Variants in NPAS3 observed in about 807,000 individuals in gnomAD.
NPAS3 encodes neuronal PAS domain protein 3, also known as neuronal PAS domain-containing protein 3.
NPAS3 carries 14 observed loss-of-function variants against 73.1 expected under a neutral mutation model. The ratio of observed to expected loss-of-function variants is 0.19; its 90% CI spans 0.13 to 0.30. The LOEUF (loss-of-function observed/expected upper bound fraction) is 0.30, where lower values mean the gene tolerates loss of function less well. Among genes scored for constraint, NPAS3 ranks in the 10% least tolerant of loss-of-function variants. The pLI is 1.00. For synonymous variants in NPAS3, 620 were observed against 541.5 expected (o/e 1.14, Z -2.01); for missense variants, 1,096 against 1,250.0 (o/e 0.88, Z 1.86).
intron 3 of NPAS3, among the ~76,000 whole-genome samples, chr14:33,251,642 G>A (rs532602005): frequency 6.6e-6 from 1 of 151,820 alleles, no homozygotes; most frequent in South Asian, 2.1e-4. Context: ...TTTTAAATCA[G>A]GTATGTTACA....
intron 4 of NPAS3, among the ~76,000 whole-genome samples, chr14:33,436,153 A>C (rs2048979982): frequency 6.6e-6 from 1 of 152,228 alleles, no homozygotes; most frequent in Non-Finnish European, 1.5e-5. Flanking sequence ...TGGTGGAAAG[A>C]AAGCATGAAG....
intron 2 of NPAS3, among the ~76,000 whole-genome samples, chr14:33,159,223 T>C (rs2044760200): frequency 6.6e-6 from 1 of 152,192 alleles, no homozygotes; most frequent in South Asian, 2.1e-4. Context: ...TTCCCCATTT[T>C]ATTTTTCATG....
rs749675681 is a variant in NPAS3 at position 33,301,320 on chromosome 14, A to T, written c.386-65866A>T. On this transcript the variant is annotated intron_variant, in intron 3 of 11. Coordinates refer to ENST00000356141, the Ensembl canonical transcript of NPAS3. ...AGGTTTTATCATTATATATATATAT[A>T]TATTTTTTTTTTTTAAATCTAGCTG... Among the ~76,000 whole-genome samples the T allele has an allele frequency of 5.5e-3, 547 of 100,022 alleles. 70 individuals carry two copies. Among genetic ancestry groups the T allele is most frequent in the South Asian group, 0.015 (40 of 2,700 alleles). 65.6% of individuals were successfully genotyped at this position (100,022 alleles called of 152,430 possible).
chr14:33,188,686 G>A (rs2046066037), intron 2 of NPAS3, among the ~76,000 whole-genome samples: 1 of 152,138 alleles, frequency 6.6e-6, no homozygotes, highest in Non-Finnish European at 1.5e-5. Flanking sequence ...ACTTAGTATT[G>A]TTACAGGAGA....
intron 2 of NPAS3, among the ~76,000 whole-genome samples, chr14:33,163,625 T>C (rs1221031318): frequency 1.2e-5 from 1 of 80,188 alleles, no homozygotes. Flanking sequence ...GTTTTGTTGT[T>C]TTTTTTTTTT....
intron 6 of NPAS3, among the ~76,000 whole-genome samples, chr14:33,688,512 C>T (rs935060542): frequency 1.3e-5 from 2 of 152,034 alleles, no homozygotes; most frequent in East Asian, 1.9e-4. Context: ...TCTTTCAAGA[C>T]CCACCCAATG....
At chr14:32,952,097 T>C (rs1332787524) in intron 1 of NPAS3, among the ~76,000 whole-genome samples, 1 of 151,970 alleles carries the variant, frequency 6.6e-6, no homozygotes, top group Non-Finnish European at 1.5e-5. Flanking sequence ...GTGTAGATTA[T>C]ACATATATTC....
chr14:33,675,241 G>A (rs949074695), intron 5 of NPAS3, among the ~76,000 whole-genome samples: 4 of 152,166 alleles, frequency 2.6e-5, no homozygotes, highest in African/African-American at 9.7e-5. Flanking sequence ...GTAATGTAGA[G>A]CATTACCACT....
At chr14:33,182,256 T>A (rs142375752) in intron 2 of NPAS3, among the ~76,000 whole-genome samples, 1 of 152,208 alleles carries the variant, frequency 6.6e-6, no homozygotes, top group Non-Finnish European at 1.5e-5. Context: ...ATATTAAAAA[T>A]GCATTTTATA....
intron 1 of NPAS3, among the ~76,000 whole-genome samples, chr14:32,939,885 C>T (rs565762216): frequency 2.0e-5 from 3 of 151,888 alleles, no homozygotes; most frequent in Non-Finnish European, 2.9e-5. Flanking sequence ...CGCGCCAGGC[C>T]CGGAATGTGT....
chr14:33,661,886 C>A (rs182157861), intron 5 of NPAS3, among the ~76,000 whole-genome samples: 1 of 152,298 alleles, frequency 6.6e-6, no homozygotes, highest in Admixed American at 6.5e-5. Flanking sequence ...TCTCTTCCCA[C>A]CCACTCCCAA....
In NPAS3 at chr14:33,198,776, G is replaced by A. The variant is rs186567935; in HGVS notation, c.141-16406G>A. Among the ~76,000 whole-genome samples the A allele has an allele frequency of 2.1e-3, 315 of 152,320 alleles. 3 individuals carry two copies. Among genetic ancestry groups the A allele is most frequent in the South Asian group, 0.014 (66 of 4,834 alleles). Reference sequence around the variant, plus strand: ...CCTTGGGTGGTAGATGGGACCGGACGCCATGGAGCAGGGGCAGTGCCTGTC... The same window carrying A: ...CCTTGGGTGGTAGATGGGACCGGACACCATGGAGCAGGGGCAGTGCCTGTC... On this transcript the variant is annotated intron_variant, in intron 2 of 11. Transcript: ENST00000356141.
chr14:33,255,538 G>A (rs577309288), intron 3 of NPAS3, among the ~76,000 whole-genome samples: 72 of 152,134 alleles, frequency 4.7e-4, no homozygotes, highest in African/African-American at 1.6e-3. Context: ...TTTTTTCCAA[G>A]GCTCAATTGC....
rs75493254 is a variant in NPAS3 at position 33,256,481 on chromosome 14, A to T, written c.385+41055A>T. ...AATTACTAGTAATTTCACTAATTAG[A>T]TTTTAAGATCTACCCCAAGCATTAT... On this transcript the variant is annotated intron_variant, in intron 3 of 11. Coordinates refer to ENST00000356141, the Ensembl canonical transcript of NPAS3. 7.0e-3 allele frequency among the ~76,000 whole-genome samples: 1,064 copies of T among 152,224 alleles called. 9 individuals carry two copies. Among genetic ancestry groups the T allele is most frequent in the African/African-American group, 0.024 (1,015 of 41,518 alleles).
At chr14:33,151,721 T>C (rs960585596) in intron 2 of NPAS3, among the ~76,000 whole-genome samples, 1 of 152,214 alleles carries the variant, frequency 6.6e-6, no homozygotes, top group African/African-American at 2.4e-5. Flanking sequence ...ATTTAGTAGA[T>C]CACATTCCTA....
chr14:33,388,286 C>A (rs2046855024), intron 4 of NPAS3, among the ~76,000 whole-genome samples: 2 of 151,858 alleles, frequency 1.3e-5, no homozygotes, highest in South Asian at 2.1e-4. Context: ...TAAAACATCC[C>A]CTGCCTTCAA....
chr14:33,473,659 T>C (rs1030915413), intron 4 of NPAS3, among the ~76,000 whole-genome samples: 9 of 152,114 alleles, frequency 5.9e-5, no homozygotes, highest in African/African-American at 2.2e-4. Flanking sequence ...TCTTCTTGCA[T>C]TGAGTGTAAT....
intron 3 of NPAS3, among the ~76,000 whole-genome samples, chr14:33,295,521 A>C (rs2042260888): frequency 6.6e-6 from 1 of 152,318 alleles, no homozygotes; most frequent in Non-Finnish European, 1.5e-5. Flanking sequence ...TCACCAGCCA[A>C]GTAGTTATAC....
intron 2 of NPAS3, among the ~76,000 whole-genome samples, chr14:33,162,672 C>CAA (rs72478064): frequency 2.7e-5 from 4 of 147,552 alleles, no homozygotes; most frequent in African/African-American, 7.4e-5. Flanking sequence ...TAAAAACAAG[C>CAA]AAAAAAAAAA....
Sources: allele counts gnomAD v4.1 joint callset (sites outside exome capture counted in the v4.1 genomes callset), GRCh38; gene constraint gnomAD v4.1.1; transcripts MANE v1.5; gene names NCBI Gene and HGNC (gene_info 2026-07-23, HGNC 2026-07-21).